Variants in RUNDC3B observed in about 807,000 individuals in gnomAD.
RUNDC3B encodes the protein RUN domain containing 3B.
Under a neutral mutation model 58.4 loss-of-function variants are expected in RUNDC3B, and 33 were observed. The ratio of observed to expected loss-of-function variants is 0.56; its 90% CI spans 0.43 to 0.75. The LOEUF (loss-of-function observed/expected upper bound fraction) is 0.75, where lower values mean the gene tolerates loss of function less well. Ranked by LOEUF, RUNDC3B falls within the 30% of genes least tolerant of loss-of-function variation. The probability of loss-of-function intolerance (pLI) is 0.00; values close to 1 mark genes in which losing one functional copy is unlikely to be tolerated. For missense variants in RUNDC3B, 501 were observed against 535.7 expected (o/e 0.94, Z 0.64); for synonymous variants, 193 against 195.2 (o/e 0.99, Z 0.10).
At chr7:87,731,671 A>G (rs1404647071) in intron 4 of RUNDC3B, among the ~76,000 whole-genome samples, 1 of 152,230 alleles carries the variant, frequency 6.6e-6, no homozygotes, top group Non-Finnish European at 1.5e-5. Flanking sequence ...AAAAGAGGCA[A>G]ATGTCAGAAT....
rs574910510 is a variant in RUNDC3B at position 87,651,747 on chromosome 7, T to C, written c.238+810T>C. Among the ~76,000 whole-genome samples, 12 of 152,268 alleles carry C rather than the reference T, an allele frequency of 7.9e-5. No individual in the cohort carries two copies. In the South Asian group the frequency reaches 2.5e-3, roughly 32 times the overall value. Reference sequence around the variant, plus strand: ...TGAAGATTAATTCTATTCTGTACTTTTTGATGCTGAAAGCATCCAGGTTTT... The same window carrying C: ...TGAAGATTAATTCTATTCTGTACTTCTTGATGCTGAAAGCATCCAGGTTTT... On this transcript the variant is annotated intron_variant, in intron 2 of 10. Coordinates refer to ENST00000394654, the MANE Select transcript of RUNDC3B (RefSeq NM_001134405.2).
chr7:87,714,747 T>C (rs1830395553), intron 4 of RUNDC3B, among the ~76,000 whole-genome samples: 1 of 151,970 alleles, frequency 6.6e-6, no homozygotes, highest in Non-Finnish European at 1.5e-5. Context: ...TATAGCCCTA[T>C]CTTATCCATA....
intron 1 of RUNDC3B, among the ~76,000 whole-genome samples, chr7:87,648,592 G>A (rs550345095): frequency 1.3e-5 from 2 of 152,060 alleles, no homozygotes; most frequent in African/African-American, 4.8e-5. Flanking sequence ...AATGAGGCAA[G>A]CACTGTTCAG....
chr7:87,642,316 A>G (rs1271399616), intron 1 of RUNDC3B, among the ~76,000 whole-genome samples: 1 of 152,044 alleles, frequency 6.6e-6, no homozygotes, highest in African/African-American at 2.4e-5. Context: ...CATGAAGACT[A>G]TATGTTATGG....
intron 10 of RUNDC3B, among the ~76,000 whole-genome samples, chr7:87,826,923 G>C (rs1837845531): frequency 6.6e-6 from 1 of 152,038 alleles, no homozygotes; most frequent in African/African-American, 2.4e-5. Flanking sequence ...GTTGTATAAA[G>C]GTAACAACTA....
intron 1 of RUNDC3B, among the ~76,000 whole-genome samples, chr7:87,637,304 T>G (rs750893837): frequency 1.3e-5 from 2 of 152,248 alleles, no homozygotes; most frequent in Non-Finnish European, 2.9e-5. Context: ...TGAGCTAATA[T>G]CGTACTAAAT....
At chr7:87,797,576 T>C (rs1044040071) in intron 8 of RUNDC3B, among the ~76,000 whole-genome samples, 2 of 152,098 alleles carry the variant, frequency 1.3e-5, no homozygotes, top group Non-Finnish European at 2.9e-5. Flanking sequence ...CTAAAGCAGT[T>C]GATTAATTAG....
At chr7:87,686,603 A>G (rs754708887) in intron 2 of RUNDC3B, among the ~76,000 whole-genome samples, 9 of 152,122 alleles carry the variant, frequency 5.9e-5, no homozygotes, top group Non-Finnish European at 8.8e-5. Context: ...GATGGGATGT[A>G]TTAGTGATTT....
At position 87,737,107 on chromosome 7, in the gene RUNDC3B, C is replaced by T. The variant is rs189609517; in HGVS notation, c.459-2684C>T. ...TATAGGTGGGTTTCACCATGTTGCC[C>T]AGGCTGATCTCTAACTCCTGGGCTC... On this transcript the variant is annotated intron_variant, in intron 4 of 10. Coordinates refer to ENST00000394654, the MANE Select transcript of RUNDC3B (RefSeq NM_001134405.2). Among the ~76,000 whole-genome samples, 27 of 151,170 alleles carry T rather than the reference C, an allele frequency of 1.8e-4. No individual in the cohort carries two copies. The East Asian group carries it at 3.3e-3, about 19-fold the overall frequency.
intron 2 of RUNDC3B, among the ~76,000 whole-genome samples, chr7:87,667,771 A>T (rs749295447): frequency 2.0e-5 from 3 of 152,082 alleles, no homozygotes; most frequent in Non-Finnish European, 2.9e-5. Flanking sequence ...AGTTCTGTTT[A>T]TGTGATGAAT....
At chr7:87,774,514 TAAG>T (rs1260652712) in intron 7 of RUNDC3B, among the ~76,000 whole-genome samples, 4 of 152,060 alleles carry the variant, frequency 2.6e-5, no homozygotes, top group African/African-American at 9.7e-5. Context: ...CAGATAATCT[TAAG>T]AATGGAAGAA....
intron 2 of RUNDC3B, 33 bp downstream of exon 2, chr7:87,650,970 C>T: frequency 8.0e-7 from 1 of 1,247,890 alleles, no homozygotes; most frequent in Non-Finnish European, 1.2e-6. Flanking sequence ...TATTTTCCCA[C>T]CAGCTGTCTT....
intron 10 of RUNDC3B, among the ~76,000 whole-genome samples, chr7:87,816,634 C>G (rs928727445): frequency 6.6e-6 from 1 of 152,202 alleles, no homozygotes; most frequent in Admixed American, 6.5e-5. Context: ...GCTTTTGACA[C>G]AACTGACCAC....
chr7:87,643,842 G>T (rs1476696392), intron 1 of RUNDC3B, among the ~76,000 whole-genome samples: 1 of 150,944 alleles, frequency 6.6e-6, no homozygotes, highest in East Asian at 2.0e-4. Flanking sequence ...TTCGCAAGTT[G>T]CATAATATTT....
At chr7:87,631,248 C>A (rs1378494799) in intron 1 of RUNDC3B, among the ~76,000 whole-genome samples, 1 of 152,090 alleles carries the variant, frequency 6.6e-6, no homozygotes, top group Non-Finnish European at 1.5e-5. Context: ...TCACTATAGG[C>A]CATTTGTACA....
At chr7:87,694,745 A>G (rs1399914373) in intron 2 of RUNDC3B, among the ~76,000 whole-genome samples, 3 of 152,106 alleles carry the variant, frequency 2.0e-5, no homozygotes, top group Non-Finnish European at 2.9e-5. Flanking sequence ...TATGTTAATA[A>G]TGCTGGTGGA....
rs77261734 is a variant in RUNDC3B at position 87,827,952 on chromosome 7, T to A, written c.1226-1933T>A. 6.6e-5 allele frequency among the ~76,000 whole-genome samples: 10 copies of A among 152,282 alleles called. No individual in the cohort carries two copies. The East Asian group carries it at 1.9e-3, about 29-fold the overall frequency. Reference sequence around the variant, plus strand: ...TGGATTGTTTGAGCCCAGGAGTTCCTGACCATTCTGGGCAACACAGACCCT... The same window carrying A: ...TGGATTGTTTGAGCCCAGGAGTTCCAGACCATTCTGGGCAACACAGACCCT... On this transcript the variant is annotated intron_variant, in intron 10 of 10. Coordinates refer to ENST00000394654, the MANE Select transcript of RUNDC3B (RefSeq NM_001134405.2).
intron 3 of RUNDC3B, among the ~76,000 whole-genome samples, chr7:87,710,107 A>G (rs919616050): frequency 6.6e-6 from 1 of 151,520 alleles, no homozygotes; most frequent in African/African-American, 2.4e-5. Flanking sequence ...GTTGTATAAA[A>G]CCTCCCACTG....
At chr7:87,751,487 C>G (rs996081988) in intron 6 of RUNDC3B, among the ~76,000 whole-genome samples, 14 of 152,114 alleles carry the variant, frequency 9.2e-5, no homozygotes, top group Admixed American at 9.2e-4. Flanking sequence ...GCCATTTTCA[C>G]GATGTTGATT....
Sources: allele counts gnomAD v4.1 joint callset (sites outside exome capture counted in the v4.1 genomes callset), GRCh38; gene constraint gnomAD v4.1.1; transcripts MANE v1.5; gene names NCBI Gene and HGNC (gene_info 2026-07-23, HGNC 2026-07-21).